Variants in SCN1A observed in about 807,000 individuals in gnomAD.
SCN1A encodes sodium channel protein type 1 subunit alpha.
In SCN1A, 13 loss-of-function variants were observed where a neutral mutation model predicts 193.7. That is an observed-to-expected ratio of 0.07 (90% CI 0.04 to 0.11). SCN1A has a LOEUF of 0.11. Among genes scored for constraint, SCN1A ranks in the 10% least tolerant of loss-of-function variants. The probability of loss-of-function intolerance (pLI) is 1.00; values close to 1 mark genes in which losing one functional copy is unlikely to be tolerated. For synonymous variants in SCN1A, 781 were observed against 843.6 expected, an observed-to-expected ratio of 0.93 and a Z score of 1.29; for missense variants, 1,432 against 2,451.1, an observed-to-expected ratio of 0.58 and a Z score of 8.78.
intron 2 of SCN1A, among the ~76,000 whole-genome samples, chr2:166,085,021 T>G (rs544955795): frequency 6.6e-6 from 1 of 152,142 alleles, no homozygotes; most frequent in Admixed American, 6.5e-5. Flanking sequence ...TTACAAACAT[T>G]AGTGGTTCTC....
chr2:166,020,205 C>T (rs1360525119), intron 19 of SCN1A, among the ~76,000 whole-genome samples: 1 of 152,130 alleles, frequency 6.6e-6, no homozygotes, highest in Admixed American at 6.5e-5. Context: ...CCACCACGCC[C>T]GGCCCAAGGT....
chr2:166,104,865 A>G (rs1457782104), intron 2 of SCN1A, among the ~76,000 whole-genome samples: 1 of 152,260 alleles, frequency 6.6e-6, no homozygotes, highest in East Asian at 1.9e-4. Context: ...TTGTGTTGCC[A>G]GTATGCTGTT....
At chr2:166,110,115 A>C (rs1689136898) in intron 2 of SCN1A, among the ~76,000 whole-genome samples, 1 of 152,188 alleles carries the variant, frequency 6.6e-6, no homozygotes, top group Non-Finnish European at 1.5e-5. Context: ...ATACGCCTGT[A>C]TCAAAACATC....
chr2:166,029,048 G>T (rs1695194024), intron 19 of SCN1A, among the ~76,000 whole-genome samples: 1 of 152,150 alleles, frequency 6.6e-6, no homozygotes, highest in Admixed American at 6.6e-5. Context: ...ATAACGATGA[G>T]AACTGATAAA....
chr2:166,023,545 A>G (rs181272309), intron 19 of SCN1A, among the ~76,000 whole-genome samples: 1 of 152,294 alleles, frequency 6.6e-6, no homozygotes, highest in African/African-American at 2.4e-5. Context: ...GAAATGATAC[A>G]TTTGGACAGT....
intron 4 of SCN1A, among the ~76,000 whole-genome samples, chr2:166,064,224 CTT>C (rs1255260331): frequency 1.3e-5 from 2 of 152,136 alleles, no homozygotes; most frequent in African/African-American, 2.4e-5. Context: ...GGTTTCTTAA[CTT>C]TCTGTGACTC....
rs112443862 is a variant in SCN1A at position 165,992,743 on chromosome 2, G to A, written c.4853-321C>T. On this transcript the variant is annotated intron_variant, in intron 28 of 28. Transcript: ENST00000674923. The surrounding 1 kb of genome is among the most constrained non-coding windows in gnomAD (Gnocchi z 6.5). ...TTAAAAATGCACATTTGGCCGAACA[G>A]TAGCAGCCCAACAGTATAGGTACAA... The A allele has an allele frequency of 3.6e-3, 595 of 163,214 alleles. 5 individuals are homozygous for A. Among genetic ancestry groups the A allele is most frequent in the Middle Eastern group, 0.012 (4 of 326 alleles). The allele number at this position is 163,214 out of a possible 1,614,324, so 10.1% of individuals were successfully genotyped here.
upstream of SCN1A, among the ~76,000 whole-genome samples, chr2:166,130,555 C>T (rs182737664): frequency 2.6e-5 from 4 of 152,282 alleles, no homozygotes; most frequent in East Asian, 1.9e-4. Context: ...TCTTCTCCAA[C>T]GTCTTTTCTA....
At chr2:166,029,909 G>A (rs1380187685) in intron 19 of SCN1A, among the ~76,000 whole-genome samples, 2 of 152,092 alleles carry the variant, frequency 1.3e-5, no homozygotes, top group East Asian at 1.9e-4. Context: ...ACCACCACAG[G>A]TCAGTGTGGG....
chr2:166,046,471 T>G (rs1048087850), intron 12 of SCN1A, among the ~76,000 whole-genome samples: 1 of 152,204 alleles, frequency 6.6e-6, no homozygotes, highest in African/African-American at 2.4e-5. Context: ...TTCCTCCTAA[T>G]GCCAGTCTAC....
Position 166,043,821 on chromosome 2 carries a change from T to C in SCN1A, c.1891A>G (p.Met631Val), listed in dbSNP as rs1336507340. The C allele has an allele frequency of 3.7e-6, 6 of 1,614,042 alleles. No individual in the cohort carries two copies. The highest frequency in any genetic ancestry group is 2.5e-6 in the Non-Finnish European group (3 of 1,180,028). ...NLSQTSRSSR[M>V]LAVFPANGKM... ...CCATTCGCTGGAAACACTGCCAGCA[T>C]CCGGGATGACCTACTGGTCTGACTC... Residue 631 changes from methionine (M) to valine (V), a missense_variant, in exon 14 of 29, where the codon ATG (methionine) becomes GTG (valine). Physicochemically the swap from Met to Val is conservative, Grantham distance 21. This residue lies in a region of SCN1A where 316 missense variants were observed against 362.1 expected (regional missense o/e 0.87). Coordinates refer to ENST00000674923, the MANE Select transcript of SCN1A (RefSeq NM_001165963.4).
chr2:166,056,832 G>A (rs1267738462), intron 5 of SCN1A, among the ~76,000 whole-genome samples: 1 of 152,020 alleles, frequency 6.6e-6, no homozygotes, highest in Non-Finnish European at 1.5e-5. Flanking sequence ...GTGCTACCTG[G>A]AGTTGCACAG....
rs1260685558 is a variant in SCN1A, at chr2:166,009,832, C to T, written c.3889G>A (p.Val1297Ile). Residue 1297 changes from valine to isoleucine, a missense_variant, in exon 23 of 29, where the codon GTC (valine) becomes ATC (isoleucine). Val to Ile is a conservative substitution (Grantham distance 29, BLOSUM62 3). Around this residue, in one of 18 missense-constraint regions of SCN1A, gnomAD observed 107 missense variants for 259.4 expected, o/e 0.41. Transcript: ENST00000674923. ...LDFLIVDVSL[V>I]SLTANALGYS... ...CCCAAGGCATTTGCTGTTAAACTGA[C>T]CAATGAAACCTGCACACACAAAAAT... The T allele has an allele frequency of 2.5e-6, 4 of 1,606,232 alleles. No homozygotes were observed. The highest frequency in any genetic ancestry group is 2.7e-5 in the African/African-American group (2 of 74,392).
Position 166,058,235 on chromosome 2 carries a change from C to T in SCN1A, c.383+335G>A, listed in dbSNP as rs79554951. On this transcript the variant is annotated intron_variant, in intron 5 of 28. Transcript: ENST00000674923. ...ATATCATTGCTCACTGAAAATTCTA[C>T]ACCATCACAAACTTTGTATAAAGAT... 0.019 allele frequency among the ~76,000 whole-genome samples: 2,864 copies of T among 152,130 alleles called. 96 individuals are homozygous for T. The highest frequency in any genetic ancestry group is 0.066 in the African/African-American group (2,727 of 41,530).
At chr2:166,056,613 G>T in intron 5 of SCN1A, 113 bp from the exon 6 acceptor site, 1 of 742,494 alleles carries the variant, frequency 1.3e-6, no homozygotes, top group Non-Finnish European at 2.5e-6. Flanking sequence ...AGGGATAAAT[G>T]CATTGTGGGC....
At chr2:166,090,357 A>G (rs1178726043) in intron 2 of SCN1A, among the ~76,000 whole-genome samples, 1 of 152,192 alleles carries the variant, frequency 6.6e-6, no homozygotes, top group Non-Finnish European at 1.5e-5. Context: ...TTAAACTTCT[A>G]AAGATGAAAC....
chr2:166,077,953 GA>G (rs1233264932), intron 2 of SCN1A, 152 bp from the exon 3 acceptor site: 1 of 151,858 alleles, frequency 6.6e-6, no homozygotes, highest in Non-Finnish European at 1.5e-5. Flanking sequence ...CTAATTGAAA[GA>G]AGCAATCTAA....
At chr2:166,114,911 A>G (rs1005197415) in intron 2 of SCN1A, among the ~76,000 whole-genome samples, 1 of 152,198 alleles carries the variant, frequency 6.6e-6, no homozygotes, top group African/African-American at 2.4e-5. Context: ...ATATTTTATT[A>G]TTGTGGGGAA....
At chr2:166,078,257 G>A (rs911342233) in intron 2 of SCN1A, among the ~76,000 whole-genome samples, 1 of 151,444 alleles carries the variant, frequency 6.6e-6, no homozygotes, top group Non-Finnish European at 1.5e-5. Flanking sequence ...AATCAAAGAG[G>A]ACTTTGATTC....
Sources: gnomAD v4.1 joint callset for allele counts (sites outside exome capture counted in the v4.1 genomes callset) on GRCh38, gnomAD v4.1.1 for gene constraint, gnomAD v4.1.1 regional missense constraint, Gnocchi (gnomAD v3.1) non-coding constraint, MANE v1.5 for transcripts, NCBI Gene and HGNC (gene_info 2026-07-23, HGNC 2026-07-21) for gene names.